The following LARP4B variants were observed in gnomAD, a reference collection of about 807,000 sequenced individuals.
LARP4B encodes la-related protein 4B.
In LARP4B, 12 loss-of-function variants were observed where a neutral mutation model predicts 89.8. The ratio of observed to expected loss-of-function variants is 0.13; its 90% CI spans 0.09 to 0.22. LARP4B has a LOEUF of 0.22. Among genes scored for constraint, LARP4B ranks in the 10% least tolerant of loss-of-function variants. The probability of loss-of-function intolerance (pLI) is 1.00; values close to 1 mark genes in which losing one functional copy is unlikely to be tolerated. For synonymous variants in LARP4B, 367 were observed against 363.3 expected (o/e 1.01, Z -0.12); for missense variants, 757 against 947.7 (o/e 0.80, Z 2.64).
chr10:983,872 T>G, the LARP4B span, among the ~76,000 whole-genome samples: 1 of 152,212 alleles, frequency 6.6e-6, no homozygotes, highest in East Asian at 1.9e-4. Context: ...ACATACATTC[T>G]GATAGTGAAT....
intron 7 of LARP4B, among the ~76,000 whole-genome samples, chr10:838,180 C>T (rs576389759): frequency 6.6e-6 from 1 of 152,176 alleles, no homozygotes; most frequent in South Asian, 2.1e-4. Flanking sequence ...AAATGCAAAA[C>T]CTTAAGTCCT....
At chr10:892,539 C>T (rs1354471066) in intron 1 of LARP4B, among the ~76,000 whole-genome samples, 5 of 151,946 alleles carry the variant, frequency 3.3e-5, no homozygotes, top group Admixed American at 6.6e-5. Context: ...GAAAAATTAT[C>T]GTTAATTTTT....
upstream of LARP4B, chr10:933,070 C>CT (rs111673040): frequency 2.6e-5 from 4 of 152,380 alleles, no homozygotes; most frequent in African/African-American, 9.6e-5. Context: ...GCAGCATACT[C>CT]TACCTACCCC....
chr10:967,079 G>A, the LARP4B span, among the ~76,000 whole-genome samples: 5 of 152,264 alleles, frequency 3.3e-5, no homozygotes, highest in Admixed American at 1.3e-4. Context: ...GCCTCCCCCG[G>A]GATCACGGAA....
the LARP4B span, among the ~76,000 whole-genome samples, chr10:977,888 G>T: frequency 6.6e-6 from 1 of 152,274 alleles, no homozygotes; most frequent in African/African-American, 2.4e-5. Flanking sequence ...CCTGATGAAA[G>T]GCAAGGGTGG....
chr10:907,294 T>A (rs1007222239), intron 1 of LARP4B, among the ~76,000 whole-genome samples: 5 of 152,322 alleles, frequency 3.3e-5, no homozygotes, highest in African/African-American at 9.6e-5. Flanking sequence ...AACTAGCATT[T>A]AAAATATGAA....
intron 7 of LARP4B, among the ~76,000 whole-genome samples, chr10:841,666 T>C (rs1833527142): frequency 6.6e-6 from 1 of 152,200 alleles, no homozygotes; most frequent in Non-Finnish European, 1.5e-5. Context: ...GGGACAAGAA[T>C]GCTGCTGGCC....
At chr10:839,325 T>C (rs1833397712) in intron 7 of LARP4B, among the ~76,000 whole-genome samples, 1 of 152,222 alleles carries the variant, frequency 6.6e-6, no homozygotes, top group Non-Finnish European at 1.5e-5. Flanking sequence ...CTGCGGAATG[T>C]TCATATGGGA....
intron 1 of LARP4B, among the ~76,000 whole-genome samples, chr10:925,973 C>T (rs2132059839): frequency 6.6e-6 from 1 of 152,326 alleles, no homozygotes; most frequent in Admixed American, 6.5e-5. Flanking sequence ...AACTTTTATA[C>T]TCTATAAGAA....
chr10:813,049 G>C lies in LARP4B; in HGVS notation c.2094C>G (p.Ala698=). ...TGGGGGCTCCAGGTGTGGACTTGAG[G>C]GCTGGGGGCTCCCGGTATCTCTCTG... ...EPAERYREPP[A]LKSTPGAPRD... is the part of the protein sequence containing the mutation. Residue 698 remains alanine (A), a synonymous_variant, in exon 18 of 18, where the codon GCC becomes GCG. Coordinates refer to ENST00000316157, the MANE Select transcript of LARP4B (RefSeq NM_015155.3). The C allele has an allele frequency of 6.2e-7, 1 of 1,613,934 alleles. No individual in the cohort carries two copies. The highest frequency in any genetic ancestry group is 8.5e-7 in the Non-Finnish European group (1 of 1,180,024).
the LARP4B span, among the ~76,000 whole-genome samples, chr10:943,074 G>C: frequency 2.0e-5 from 3 of 151,716 alleles, no homozygotes; most frequent in Non-Finnish European, 4.4e-5. Flanking sequence ...GGCCTCCCAA[G>C]TAGCTGGGAT....
At chr10:860,707 G>A (rs1164433437) in intron 5 of LARP4B, among the ~76,000 whole-genome samples, 1 of 152,122 alleles carries the variant, frequency 6.6e-6, no homozygotes, top group East Asian at 1.9e-4. Flanking sequence ...AGTAACCTAA[G>A]TCAGACAAAA....
At chr10:944,455 C>A in the LARP4B span, among the ~76,000 whole-genome samples, 1 of 152,304 alleles carries the variant, frequency 6.6e-6, no homozygotes, top group South Asian at 2.1e-4. Flanking sequence ...CCCCAGCTCG[C>A]CCCTGCCCTG....
chr10:835,605 T>C (rs1039152209), intron 8 of LARP4B, among the ~76,000 whole-genome samples: 1 of 152,252 alleles, frequency 6.6e-6, no homozygotes, highest in East Asian at 1.9e-4. Flanking sequence ...TTTAGGCATC[T>C]GGACAAACAG....
At position 836,067 on chromosome 10, in the gene LARP4B, G is replaced by GT. The variant is rs34751155; in HGVS notation, c.750+335dup. 4.6e-5 allele frequency among the ~76,000 whole-genome samples: 7 copies of GT among 151,910 alleles called. No homozygotes were observed. In the South Asian group the frequency reaches 8.3e-4, roughly 18 times the overall value. On this transcript the variant is annotated intron_variant, in intron 8 of 17. Transcript: ENST00000316157. ...GTCATAGAAATACTTGTTTTGAAAA[G>GT]TTTTTTTTATCACAAAAGTGCTCTT...
chr10:884,694 A>T (rs985247138), intron 2 of LARP4B, among the ~76,000 whole-genome samples, 188 bp from the exon 3 acceptor site: 6 of 152,236 alleles, frequency 3.9e-5, no homozygotes, highest in African/African-American at 1.4e-4. Flanking sequence ...TGAACATCAT[A>T]GATAAAGTTC....
intron 1 of LARP4B, among the ~76,000 whole-genome samples, chr10:916,398 T>A: frequency 6.6e-6 from 1 of 152,168 alleles, no homozygotes; most frequent in Non-Finnish European, 1.5e-5. Flanking sequence ...ATTTTTTTTT[T>A]AAGAGACAAG....
chr10:955,389 G>A, the LARP4B span, among the ~76,000 whole-genome samples: 3 of 152,252 alleles, frequency 2.0e-5, no homozygotes, highest in African/African-American at 7.2e-5. This position sits in a 1 kb window ranked among gnomAD's most constrained non-coding sequence, Gnocchi z 5.2. Flanking sequence ...TACACTGCCA[G>A]GTCGTTCTTC....
chr10:879,015 C>T (rs1387293564), intron 3 of LARP4B, among the ~76,000 whole-genome samples: 1 of 152,162 alleles, frequency 6.6e-6, no homozygotes, highest in Non-Finnish European at 1.5e-5. Flanking sequence ...TGTCACACTT[C>T]CACAACAAGA....
Sources: allele counts gnomAD v4.1 joint callset (sites outside exome capture counted in the v4.1 genomes callset), GRCh38; gene constraint gnomAD v4.1.1; non-coding constraint Gnocchi (gnomAD v3.1); transcripts MANE v1.5; gene names NCBI Gene and HGNC (gene_info 2026-07-23, HGNC 2026-07-21).